The following BRSK2 variants were observed in gnomAD, a reference collection of about 807,000 sequenced individuals.
BRSK2 encodes BR serine/threonine kinase 2, also known as serine/threonine-protein kinase BRSK2.
BRSK2 carries 19 observed loss-of-function variants against 83.3 expected under a neutral mutation model. The ratio of observed to expected loss-of-function variants is 0.23; its 90% CI spans 0.16 to 0.33. The LOEUF (loss-of-function observed/expected upper bound fraction) is 0.33. Ranked by LOEUF, BRSK2 falls within the 10% of genes least tolerant of loss-of-function variation. The pLI is 1.00. For synonymous variants in BRSK2, 519 were observed against 435.4 expected (o/e 1.19, Z -2.39); for missense variants, 798 against 1,042.3 (o/e 0.77, Z 3.23).
chr11:1,457,496 C>G (rs777055105), intron 18 of BRSK2, among the ~76,000 whole-genome samples: 1 of 152,222 alleles, frequency 6.6e-6, no homozygotes, highest in Non-Finnish European at 1.5e-5. Context: ...GGGCTCCCCC[C>G]ACTCCCCTGG....
In BRSK2 at chr11:1,460,877, T is replaced by A; in HGVS notation, c.*154T>A. 1 of 1,591,642 alleles carries A rather than the reference T, an allele frequency of 6.3e-7. No homozygotes were observed. Among genetic ancestry groups the A allele is most frequent in the Non-Finnish European group, 8.5e-7 (1 of 1,170,268 alleles). Reference sequence around the variant, plus strand: ...AAGGAAAGGGGCGTTGGGGCCGGCCTGTGGGCTGCGCCACCCGCGCCCGCT... The same window carrying A: ...AAGGAAAGGGGCGTTGGGGCCGGCCAGTGGGCTGCGCCACCCGCGCCCGCT... On this transcript the variant is annotated 3_prime_UTR_variant, in exon 20 of 20. Coordinates refer to ENST00000528841, the MANE Select transcript of BRSK2 (RefSeq NM_001256627.2).
rs112022616 is a variant in BRSK2, at chr11:1,433,280, C to G, written c.92-2760C>G. Among the ~76,000 whole-genome samples, 840 of 152,098 alleles carry G rather than the reference C, an allele frequency of 5.5e-3. 2 individuals carry two copies. Among genetic ancestry groups the G allele is most frequent in the Middle Eastern group, 0.014 (4 of 294 alleles). ...CGCCACCTACCCTGGGAATGCTGTCCCGGTGCCCTTGGGGGCTTTGACCAC... is the reference window on the plus strand; with the variant it reads ...CGCCACCTACCCTGGGAATGCTGTCGCGGTGCCCTTGGGGGCTTTGACCAC... On this transcript the variant is annotated intron_variant, in intron 1 of 19. Coordinates refer to ENST00000528841, the MANE Select transcript of BRSK2 (RefSeq NM_001256627.2).
intron 18 of BRSK2, among the ~76,000 whole-genome samples, chr11:1,457,491 C>A (rs1335109467): frequency 6.6e-6 from 1 of 152,162 alleles, no homozygotes; most frequent in East Asian, 1.9e-4. Context: ...AGGGAGGGCT[C>A]CCCCCACTCC....
chr11:1,412,933 C>G (rs1015505487), intron 1 of BRSK2, among the ~76,000 whole-genome samples: 20 of 151,170 alleles, frequency 1.3e-4, no homozygotes, highest in Non-Finnish European at 1.3e-4. Context: ...CCATGGCCTC[C>G]CACCGTGCAC....
intron 14 of BRSK2, 46 bp downstream of exon 14, chr11:1,450,840 G>C: frequency 6.6e-7 from 1 of 1,526,572 alleles, no homozygotes; most frequent in Non-Finnish European, 8.8e-7. Context: ...GGAGAGAGCA[G>C]AGGCTGCCTT....
rs1237211495 is a variant in BRSK2, at chr11:1,390,163, GCCCGCGGGGGCGC to G, written c.-117_-105del. The G allele has an allele frequency of 3.1e-6, 1 of 318,076 alleles. No homozygotes were observed. The highest frequency in any genetic ancestry group is 2.3e-5 in the African/African-American group (1 of 43,548). 19.7% of individuals were successfully genotyped at this position (318,076 alleles called of 1,614,324 possible). ...GACGCGGGCGGCGCGAAGCAGCGGG[GCCCGCGGGGGCGC>G]CCCGGCCGGGTCGGCGCGGACGGCA... On this transcript the variant is annotated 5_prime_UTR_variant, in exon 1 of 20. Transcript: ENST00000528841. The surrounding 1 kb of genome is among the most constrained non-coding windows in gnomAD (Gnocchi z 6.8).
At chr11:1,460,456 T>G in intron 19 of BRSK2, 44 bp from the exon 20 acceptor site, 1 of 1,154,016 alleles carries the variant, frequency 8.7e-7, no homozygotes, top group Non-Finnish European at 1.1e-6. Flanking sequence ...TTTTTTTCTT[T>G]TTTCCTTTTT....
intron 1 of BRSK2, among the ~76,000 whole-genome samples, chr11:1,391,325 A>G (rs1050034814): frequency 4.6e-5 from 7 of 151,770 alleles, no homozygotes; most frequent in Admixed American, 3.3e-4. Context: ...TTCCAATCCG[A>G]GAAGTTCCTT....
At position 1,461,307 on chromosome 11, in the gene BRSK2, C is replaced by T. The variant is rs531875806; in HGVS notation, c.*584C>T. On this transcript the variant is annotated 3_prime_UTR_variant, in exon 20 of 20. Transcript: ENST00000528841. ...CAGGCCCCGTCCACCGCCTCCACGC[C>T]GCACCTGGAGGCCTCCTCGCAGGCC... The T allele has an allele frequency of 6.8e-6, 3 of 438,356 alleles. No homozygotes were observed. The highest frequency in any genetic ancestry group is 4.3e-5 in the Admixed American group (1 of 23,200). 27.2% of individuals were successfully genotyped at this position (438,356 alleles called of 1,614,324 possible). A position where few individuals can be genotyped will look rare whatever the true frequency, so the allele number is the denominator to read the frequency against.
chr11:1,411,335 AG>A, intron 1 of BRSK2: 2 of 1,388,224 alleles, frequency 1.4e-6, no homozygotes, highest in Non-Finnish European at 1.9e-6. Context: ...GGGCCGGAGC[AG>A]GGGGCACAGT....
At position 1,460,588 on chromosome 11, in the gene BRSK2, C is replaced by A; in HGVS notation, c.2076C>A (p.Pro692=). The A allele has an allele frequency of 6.5e-7, 1 of 1,533,268 alleles. No homozygotes were observed. The highest frequency in any genetic ancestry group is 1.2e-5 in the South Asian group (1 of 83,960). 95.0% of individuals were successfully genotyped at this position (1,533,268 alleles called of 1,614,324 possible). A position where few individuals can be genotyped will look rare whatever the true frequency, so the allele number is the denominator to read the frequency against. Residue 692 remains proline (P), a synonymous_variant, in exon 20 of 20, where the codon CCC becomes CCA. Transcript: ENST00000528841. ...NGQAAQAPST[P]AKRSAHGPLG... is the part of the protein sequence containing the mutation. ...AGGCGGCCCAGGCCCCCAGCACGCC[C>A]GCCAAGCGGAGTGCCCACGGCCCAC...
chr11:1,440,511 G>A (rs977923982), intron 3 of BRSK2, among the ~76,000 whole-genome samples: 2 of 152,088 alleles, frequency 1.3e-5, no homozygotes, highest in African/African-American at 4.8e-5. Flanking sequence ...CCTGGCGGCT[G>A]TGCCCCCAGA....
At chr11:1,429,126 C>T (rs1294984326) in intron 1 of BRSK2, among the ~76,000 whole-genome samples, 2 of 132,074 alleles carry the variant, frequency 1.5e-5, no homozygotes, top group African/African-American at 5.8e-5. Flanking sequence ...GGTGTGTGCA[C>T]TGGGTGTGTG....
At chr11:1,452,311 C>T (rs1306952006) in intron 15 of BRSK2, among the ~76,000 whole-genome samples, 1 of 152,200 alleles carries the variant, frequency 6.6e-6, no homozygotes, top group Non-Finnish European at 1.5e-5. Context: ...ATCAGGTGGC[C>T]CTTCCAGCTG....
At chr11:1,392,692 A>G (rs1845800506) in intron 1 of BRSK2, among the ~76,000 whole-genome samples, 1 of 151,978 alleles carries the variant, frequency 6.6e-6, no homozygotes, top group Non-Finnish European at 1.5e-5. Context: ...CAGCACCCCC[A>G]CCGGGGCCTG....
In BRSK2 at chr11:1,454,757, A is replaced by G; in HGVS notation, c.1668+149A>G. 4 of 1,054,880 alleles carry G rather than the reference A, an allele frequency of 3.8e-6. No homozygotes were observed. Among genetic ancestry groups the G allele is most frequent in the Non-Finnish European group, 5.4e-6 (4 of 741,246 alleles). The allele number at this position is 1,054,880 out of a possible 1,614,324, so 65.3% of individuals were successfully genotyped here. ...CCCGTGGGCCTGCCTGGCCGCCTTC[A>G]CTGGACAGGCGCTCTCTCCTGCCCA... On this transcript the variant is annotated intron_variant, in intron 16 of 19. Coordinates refer to ENST00000528841, the MANE Select transcript of BRSK2 (RefSeq NM_001256627.2). This position sits in a 1 kb window ranked among gnomAD's most constrained non-coding sequence, Gnocchi z 5.2.
chr11:1,447,970 G>C, intron 12 of BRSK2: 1 of 1,137,864 alleles, frequency 8.8e-7, no homozygotes, highest in Non-Finnish European at 1.3e-6. Context: ...TGGGCTGCAG[G>C]GCTCCTGCTG....
chr11:1,393,193 AG>A (rs1845835733), intron 1 of BRSK2, among the ~76,000 whole-genome samples: 4 of 152,132 alleles, frequency 2.6e-5, no homozygotes, highest in African/African-American at 9.7e-5. Flanking sequence ...TCCGAGTTGG[AG>A]CATGCAGGTC....
chr11:1,424,285 A>G (rs1430133992), intron 1 of BRSK2, among the ~76,000 whole-genome samples: 1 of 151,940 alleles, frequency 6.6e-6, no homozygotes, highest in Non-Finnish European at 1.5e-5. Flanking sequence ...CTGGGTGTCC[A>G]CCTGCGAGGC....
Sources: gnomAD v4.1 joint callset for allele counts (sites outside exome capture counted in the v4.1 genomes callset) on GRCh38, gnomAD v4.1.1 for gene constraint, Gnocchi (gnomAD v3.1) non-coding constraint, MANE v1.5 for transcripts, NCBI Gene and HGNC (gene_info 2026-07-23, HGNC 2026-07-21) for gene names.